The following CRYGA variants were observed in gnomAD, a reference collection of about 807,000 sequenced individuals.
CRYGA encodes the protein crystallin gamma A.
CRYGA carries 11 observed loss-of-function variants against 13.8 expected under a neutral mutation model. That is an observed-to-expected ratio of 0.80 (90% confidence interval 0.50 to 1.32). The LOEUF (loss-of-function observed/expected upper bound fraction) is 1.32. Among genes scored for constraint, CRYGA ranks in the 40% most tolerant of loss-of-function variants. The probability of loss-of-function intolerance (pLI) is 0.00; values close to 1 mark genes in which losing one functional copy is unlikely to be tolerated. For synonymous variants in CRYGA, 97 were observed against 89.3 expected (o/e 1.09, Z -0.48); for missense variants, 271 against 234.1 (o/e 1.16, Z -1.03).
chr2:208,163,064 A>G (rs1486142340), intron 2 of CRYGA, 140 bp downstream of exon 2: 5 of 631,432 alleles, frequency 7.9e-6, no homozygotes, highest in Non-Finnish European at 1.4e-5. Context: ...TTTTTTTTTT[A>G]TATATGTTTG....
chr2:208,162,023 G>A (rs1471766717), intron 2 of CRYGA, among the ~76,000 whole-genome samples: 4 of 151,796 alleles, frequency 2.6e-5, no homozygotes, highest in Admixed American at 6.6e-5. Context: ...TGCAACCTCC[G>A]ACTCCTGGGT....
intron 2 of CRYGA, among the ~76,000 whole-genome samples, chr2:208,161,842 A>C (rs1208272155): frequency 6.6e-6 from 1 of 152,194 alleles, no homozygotes; most frequent in Non-Finnish European, 1.5e-5. Flanking sequence ...TTGCCAAGTC[A>C]CTTGTGCCAT....
At chr2:208,161,954 T>C (rs1003790668) in intron 2 of CRYGA, among the ~76,000 whole-genome samples, 2 of 152,162 alleles carry the variant, frequency 1.3e-5, no homozygotes, top group African/African-American at 4.8e-5. Flanking sequence ...TTTATTTTTT[T>C]TTAGACGAAG....
intron 2 of CRYGA, among the ~76,000 whole-genome samples, chr2:208,162,696 G>A (rs1695782196): frequency 6.6e-6 from 1 of 151,948 alleles, no homozygotes; most frequent in African/African-American, 2.4e-5. Flanking sequence ...AAAATTAGCT[G>A]GGCATGGTGG....
rs746861380 is a variant in CRYGA, at chr2:208,160,874, C to T, written c.455G>A (p.Arg152Lys). 3.6e-5 allele frequency: 58 copies of T among 1,612,750 alleles called. No individual in the cohort carries two copies. The highest frequency in any genetic ancestry group is 4.8e-5 in the Non-Finnish European group (56 of 1,178,908). The change falls in exon 3 of 3, where the codon AGA becomes AAA. Residue 152 changes from arginine (R) to lysine (K), a missense_variant. By Grantham distance (26) the Arg-to-Lys change is conservative. Coordinates refer to ENST00000304502, the MANE Select transcript of CRYGA (RefSeq NM_014617.4). ...RQYLLRPGDYRRYHDWGGADA... is the reference protein window; with the variant it reads ...RQYLLRPGDYKRYHDWGGADA... ...TGCACCCCCCCAGTCGTGGTACCTT[C>T]TGTAGTCCCCAGGCCTCAGCAGATA...
Position 208,163,362 on chromosome 2 carries a change from G to C in CRYGA, c.94C>G (p.Arg32Gly). ...DCPNLRVYFS[R>G]CNSIRVDSGC... The stretch of plus-strand genomic sequence containing the variant: ...CTGTCTACTCGGATGGAGTTGCAGC[G>C]GCTGAAGTAGACCCGCAGGTTGGGG... The change falls in exon 2 of 3, where the codon CGC (arginine) becomes GGC (glycine). Residue 32 changes from arginine to glycine, a missense_variant. By Grantham distance (125) the Arg-to-Gly change is moderately radical. Transcript: ENST00000304502. 1.2e-6 allele frequency: 2 copies of C among 1,613,992 alleles called. No homozygotes were observed. The highest frequency in any genetic ancestry group is 1.1e-5 in the South Asian group (1 of 91,064).
In CRYGA at chr2:208,162,357, A is replaced by G. The variant is rs182255603; in HGVS notation, c.252+847T>C. ...AGCATTTTGATGAGGACCATGTTCT[A>G]TGAAATCCTAATCAATTGTGTGTCT... is the stretch of plus-strand genomic sequence containing the variant. On this transcript the variant is annotated intron_variant, in intron 2 of 2. Coordinates refer to ENST00000304502, the MANE Select transcript of CRYGA (RefSeq NM_014617.4). Among the ~76,000 whole-genome samples, 451 of 152,348 alleles carry G rather than the reference A, an allele frequency of 3.0e-3. 1 individual carries two copies. Among genetic ancestry groups the G allele is most frequent in the Non-Finnish European group, 5.5e-3 (373 of 68,038 alleles).
intron 2 of CRYGA, 108 bp downstream of exon 2, chr2:208,163,096 T>C (rs1695792986): frequency 1.1e-6 from 1 of 899,488 alleles, no homozygotes; most frequent in African/African-American, 1.7e-5. Flanking sequence ...TTGCTATTCT[T>C]ACTGTGAACA....
chr2:208,161,749 C>G (rs1244290486), intron 2 of CRYGA, among the ~76,000 whole-genome samples: 1 of 151,990 alleles, frequency 6.6e-6, no homozygotes, highest in African/African-American at 2.4e-5. Flanking sequence ...TCTTATCAAG[C>G]TTGTTTTTGA....
chr2:208,163,151 A>G (rs1211476962), intron 2 of CRYGA, 53 bp downstream of exon 2: 1 of 1,482,734 alleles, frequency 6.7e-7, no homozygotes, highest in African/African-American at 1.4e-5. Context: ...ACAGGAATTG[A>G]TGGCCATGGA....
chr2:208,163,479 A>T (rs1168121212), intron 1 of CRYGA, 33 bp from the exon 2 acceptor site: 1 of 1,612,966 alleles, frequency 6.2e-7, no homozygotes, highest in South Asian at 1.1e-5. Flanking sequence ...GTAGACAGTC[A>T]GCTGGAAGGA....
chr2:208,161,043 C>G lies in CRYGA; in HGVS notation c.286G>C (p.Asp96His). The G allele has an allele frequency of 6.2e-7, 1 of 1,614,162 alleles. No homozygotes were observed. The highest frequency in any genetic ancestry group is 8.5e-7 in the Non-Finnish European group (1 of 1,180,026). ...TCAGACATAAGGCCTCGGTAGTCAT[C>G]TCTCTCGTACAGCCTTAACTTGTGC... ...SSHKLRLYER[D>H]DYRGLMSELT... is the part of the protein sequence containing the mutation. Residue 96 changes from aspartate (D) to histidine (H), a missense_variant, in exon 3 of 3, where the codon GAT (aspartate) becomes CAT (histidine). Coordinates refer to ENST00000304502, the MANE Select transcript of CRYGA (RefSeq NM_014617.4).
chr2:208,161,349 A>T (rs545665274), intron 2 of CRYGA, among the ~76,000 whole-genome samples: 5 of 152,020 alleles, frequency 3.3e-5, no homozygotes, highest in East Asian at 1.9e-4. Context: ...ATTTATTTTT[A>T]AAAATTTTTT....
At position 208,162,889 on chromosome 2, in the gene CRYGA, TTTTC is replaced by T. The variant is rs1265919070; in HGVS notation, c.252+311_252+314del. Among the ~76,000 whole-genome samples the T allele has an allele frequency of 6.0e-3, 757 of 126,002 alleles. 4 individuals carry two copies. The highest frequency in any genetic ancestry group is 0.019 in the African/African-American group (707 of 36,938). The allele number at this position is 126,002 out of a possible 152,430, so 82.7% of individuals were successfully genotyped here. On this transcript the variant is annotated intron_variant, in intron 2 of 2. Transcript: ENST00000304502. ...GATAAACTAGATAGACTTTTCTTTTTTTTCTTTCTTTCTTTTTTTTTTTTTTTAC... is the reference window on the plus strand; with the variant it reads ...GATAAACTAGATAGACTTTTCTTTTTTTTCTTTCTTTTTTTTTTTTTTTAC...
At chr2:208,163,495 CCCACACA>C in intron 1 of CRYGA, 46 bp downstream of exon 1, 1 of 1,612,256 alleles carries the variant, frequency 6.2e-7, no homozygotes, top group Non-Finnish European at 8.5e-7. Context: ...AAGGAACATC[CCCACACA>C]CCACAGACCC....
intron 2 of CRYGA, among the ~76,000 whole-genome samples, chr2:208,162,343 G>T (rs989368235): frequency 2.0e-5 from 3 of 152,162 alleles, no homozygotes; most frequent in African/African-American, 7.2e-5. Context: ...GCATTTTGAT[G>T]AGGACCATGT....
At chr2:208,163,091 ATTC>A in intron 2 of CRYGA, 110 bp downstream of exon 2, 2 of 862,382 alleles carry the variant, frequency 2.3e-6, no homozygotes, top group South Asian at 3.3e-5. Flanking sequence ...AGGCCTTGCT[ATTC>A]TTACTGTGAA....
At position 208,163,322 on chromosome 2, in the gene CRYGA, A is replaced by C; in HGVS notation, c.134T>G (p.Leu45Arg). 1 of 1,613,990 alleles carries C rather than the reference A, an allele frequency of 6.2e-7. No homozygotes were observed. Among genetic ancestry groups the C allele is most frequent in the Non-Finnish European group, 8.5e-7 (1 of 1,180,008 alleles). ...GCCCTGGTAATTGGGACGCTCATAG[A>C]GCATCCAGCAGCCGCTGTCTACTCG... Reference protein sequence around the residue: ...SIRVDSGCWMLYERPNYQGHQ... With the variant: ...SIRVDSGCWMRYERPNYQGHQ... Residue 45 changes from leucine (L) to arginine (R), a missense_variant, in exon 2 of 3, where the codon CTC (leucine) becomes CGC (arginine). By Grantham distance (102) the Leu-to-Arg change is moderately radical (BLOSUM62 -2). Transcript: ENST00000304502.
chr2:208,163,072 T>C lies in CRYGA; in HGVS notation c.252+132A>G, dbSNP rs1695792585. On this transcript the variant is annotated intron_variant, in intron 2 of 2. Coordinates refer to ENST00000304502, the MANE Select transcript of CRYGA (RefSeq NM_014617.4). ...TGTTACTTTTTTTTTTTATATATGT[T>C]TGAGGGTCAGGCCTTGCTATTCTTA... 2.2e-5 allele frequency: 16 copies of C among 734,548 alleles called. No individual in the cohort carries two copies. The South Asian group carries it at 2.8e-4, about 13-fold the overall frequency. The allele number at this position is 734,548 out of a possible 1,614,324, so 45.5% of individuals were successfully genotyped here.
Sources: gnomAD v4.1 joint callset for allele counts (sites outside exome capture counted in the v4.1 genomes callset) on GRCh38, gnomAD v4.1.1 for gene constraint, MANE v1.5 for transcripts, NCBI Gene and HGNC (gene_info 2026-07-23, HGNC 2026-07-21) for gene names.